The following THADA variants were observed in gnomAD, a reference collection of about 807,000 sequenced individuals.
THADA encodes THADA armadillo repeat containing.
Under a neutral mutation model 219.8 loss-of-function variants are expected in THADA, and 213 were observed. The ratio of observed to expected loss-of-function variants is 0.97; its 90% CI spans 0.87 to 1.09. The LOEUF is 1.09. THADA is among the 50% of genes least tolerant of loss of function. The probability of loss-of-function intolerance (pLI) is 0.00; values close to 1 mark genes in which losing one functional copy is unlikely to be tolerated. For missense variants in THADA, 2,956 were observed against 2,311.3 expected (o/e 1.28, Z -5.72); for synonymous variants, 1,018 against 828.9 (o/e 1.23, Z -3.92).
At chr2:43,256,612 A>AATAAC (rs5830756) in intron 36 of THADA, among the ~76,000 whole-genome samples, 2 of 146,876 alleles carry the variant, frequency 1.4e-5, no homozygotes, top group Non-Finnish European at 3.0e-5. Flanking sequence ...TAAATAAATA[A>AATAAC]TTTTTTTTTT....
intron 22 of THADA, among the ~76,000 whole-genome samples, chr2:43,518,649 T>C (rs541126420): frequency 5.3e-5 from 8 of 152,338 alleles, no homozygotes; most frequent in East Asian, 1.9e-4. Flanking sequence ...ATATGAGCAA[T>C]GTCTCTGAGT....
chr2:43,590,899 T>C lies in THADA; in HGVS notation c.227A>G (p.Gln76Arg). 2 of 1,613,816 alleles carry C rather than the reference T, an allele frequency of 1.2e-6. No homozygotes were observed. Among genetic ancestry groups the C allele is most frequent in the Non-Finnish European group, 8.5e-7 (1 of 1,179,784 alleles). Reference protein sequence around the residue: ...DKNGMCDPTIQSCLDILAGIY... With the variant: ...DKNGMCDPTIRSCLDILAGIY... The stretch of plus-strand genomic sequence containing the variant: ...GCCTGCTAAGATATCCAAACAACTT[T>C]GAATAGTGGGATCACACATGCCATT... The change falls in exon 4 of 38, where the codon CAA (glutamine) becomes CGA (arginine). Residue 76 changes from glutamine (Q) to arginine (R), a missense_variant. Physicochemically the swap from Gln to Arg is conservative, Grantham distance 43 (BLOSUM62 1). Coordinates refer to ENST00000405975, the MANE Select transcript of THADA (RefSeq NM_022065.5).
intron 26 of THADA, among the ~76,000 whole-genome samples, chr2:43,483,392 C>T (rs1464965476): frequency 6.6e-6 from 1 of 152,136 alleles, no homozygotes; most frequent in African/African-American, 2.4e-5. Context: ...ATTTAAGACA[C>T]TAAAGGTTTT....
chr2:43,407,871 T>A (rs1047202237), intron 28 of THADA, among the ~76,000 whole-genome samples: 3 of 152,122 alleles, frequency 2.0e-5, no homozygotes, highest in African/African-American at 7.2e-5. Flanking sequence ...ATAAAAAGAA[T>A]GATGGATTCC....
At chr2:43,393,643 G>C (rs907623742) in intron 29 of THADA, among the ~76,000 whole-genome samples, 1 of 151,638 alleles carries the variant, frequency 6.6e-6, no homozygotes, top group Non-Finnish European at 1.5e-5. Context: ...AGAAGGCAGA[G>C]GTTGCAGTGA....
At chr2:43,587,503 A>T (rs1234503575) in intron 4 of THADA, among the ~76,000 whole-genome samples, 1 of 152,104 alleles carries the variant, frequency 6.6e-6, no homozygotes, top group African/African-American at 2.4e-5. Flanking sequence ...CTGACATACC[A>T]GTCTTTGCTT....
At chr2:43,314,917 G>A (rs745560081) in intron 31 of THADA, among the ~76,000 whole-genome samples, 5 of 152,220 alleles carry the variant, frequency 3.3e-5, no homozygotes, top group Non-Finnish European at 7.3e-5. Flanking sequence ...TGATTGGGAA[G>A]CACTATGATA....
At chr2:43,246,718 T>C (rs1669194210) in intron 36 of THADA, among the ~76,000 whole-genome samples, 1 of 152,192 alleles carries the variant, frequency 6.6e-6, no homozygotes, top group Admixed American at 6.5e-5. Context: ...GATTTCAAAA[T>C]TTCTGGGAAT....
At chr2:43,498,539 C>G (rs1282420380) in intron 25 of THADA, among the ~76,000 whole-genome samples, 1 of 151,886 alleles carries the variant, frequency 6.6e-6, no homozygotes, top group East Asian at 1.9e-4. Context: ...CTTTAAGTGA[C>G]ATGGTGTAAT....
intron 30 of THADA, among the ~76,000 whole-genome samples, chr2:43,330,497 G>A (rs944043195): frequency 6.6e-6 from 1 of 152,168 alleles, no homozygotes; most frequent in Non-Finnish European, 1.5e-5. Flanking sequence ...ATGTATCAGG[G>A]CTGAGCAGCT....
At chr2:43,420,237 C>T (rs1201151302) in intron 28 of THADA, among the ~76,000 whole-genome samples, 1 of 152,204 alleles carries the variant, frequency 6.6e-6, no homozygotes, top group Non-Finnish European at 1.5e-5. Context: ...GGCCTCAGTC[C>T]TTAGTGTATA....
rs1349315208 is a variant in THADA at position 43,231,327 on chromosome 2, A to G, written c.5483T>C (p.Leu1828Pro). Residue 1828 changes from leucine (L) to proline (P), a missense_variant, in exon 38 of 38, where the codon CTG becomes CCG. Transcript: ENST00000405975. ...AAAGTTGACTTCTGCTTTTTCAAAC[A>G]GGTAGTCTTCTTCCACCTAAATCAG... ...ESMHQVEEDY[L>P]FEKAEVNFWA... The G allele has an allele frequency of 6.4e-7, 1 of 1,550,526 alleles. No homozygotes were observed. The highest frequency in any genetic ancestry group is 1.3e-5 in the South Asian group (1 of 79,404).
In THADA at chr2:43,590,835, T is replaced by G; in HGVS notation, c.291A>C (p.Lys97Asn). ...CCTTTTTTTCTTACCTTGCCAATAC[T>G]TTCTTCAAGGGATTCTTTAGACTCA... ...LSLSLKNPLK[K>N]VLASSLNSLP... The change falls in exon 4 of 38, where the codon AAA becomes AAC. Residue 97 changes from lysine (K) to asparagine (N), a missense_variant. By Grantham distance (94) the Lys-to-Asn change is moderately conservative. Coordinates refer to ENST00000405975, the MANE Select transcript of THADA (RefSeq NM_022065.5). The G allele has an allele frequency of 6.2e-7, 1 of 1,613,144 alleles. No homozygotes were observed. The highest frequency in any genetic ancestry group is 1.1e-5 in the South Asian group (1 of 90,810).
intron 29 of THADA, among the ~76,000 whole-genome samples, chr2:43,345,345 A>G (rs1667519067): frequency 1.3e-5 from 2 of 152,248 alleles, no homozygotes; most frequent in African/African-American, 4.8e-5. Context: ...GGCAGGTTTT[A>G]CTGGGTCAGA....
intron 20 of THADA, among the ~76,000 whole-genome samples, chr2:43,547,835 T>C (rs1696233376): frequency 6.6e-6 from 1 of 152,238 alleles, no homozygotes; most frequent in Admixed American, 6.5e-5. Flanking sequence ...TTGGAGTAGT[T>C]TGATCATCTG....
At chr2:43,349,755 T>C (rs1304723031) in intron 29 of THADA, among the ~76,000 whole-genome samples, 1 of 152,180 alleles carries the variant, frequency 6.6e-6, no homozygotes, top group Non-Finnish European at 1.5e-5. Flanking sequence ...TGTATCGTAA[T>C]CATTAAAAAC....
At chr2:43,308,648 G>C (rs1210493112) in intron 31 of THADA, among the ~76,000 whole-genome samples, 2 of 151,158 alleles carry the variant, frequency 1.3e-5, no homozygotes, top group Admixed American at 1.3e-4. Flanking sequence ...GCTGCATTGA[G>C]CCATGATCTC....
intron 29 of THADA, among the ~76,000 whole-genome samples, chr2:43,373,805 T>A (rs550289028): frequency 6.6e-6 from 1 of 152,290 alleles, no homozygotes; most frequent in African/African-American, 2.4e-5. Flanking sequence ...AAACTCTCTA[T>A]TGGAATACAC....
chr2:43,354,014 T>C (rs964000812), intron 29 of THADA, among the ~76,000 whole-genome samples: 1 of 152,040 alleles, frequency 6.6e-6, no homozygotes, highest in Non-Finnish European at 1.5e-5. Flanking sequence ...AGATGGGGTT[T>C]CACCGTGTTA....
Sources: allele counts gnomAD v4.1 joint callset (sites outside exome capture counted in the v4.1 genomes callset), GRCh38; gene constraint gnomAD v4.1.1; transcripts MANE v1.5; gene names NCBI Gene and HGNC (gene_info 2026-07-23, HGNC 2026-07-21).